The following SLC75A1 variants were observed in gnomAD, a reference collection of about 807,000 sequenced individuals.
The protein encoded by SLC75A1 is solute carrier family 75 member 1, also known as major facilitator superfamily domain containing 10.
At chr4:2,931,654 C>G in the SLC75A1 span, 1 of 1,612,900 alleles carries the variant, frequency 6.2e-7, no homozygotes, top group Non-Finnish European at 8.5e-7. Context: ...ACATCTTCCC[C>G]TGCTGTAGGC....
the SLC75A1 span, chr4:2,931,549 C>T: frequency 1.2e-6 from 2 of 1,610,540 alleles, no homozygotes; most frequent in African/African-American, 2.7e-5. Flanking sequence ...GGAGGGAGCC[C>T]CCTACCCGCT....
chr4:2,931,695 G>GGGGCAGGGCCACCCA, the SLC75A1 span: 8 of 1,592,812 alleles, frequency 5.0e-6, no homozygotes, highest in African/African-American at 4.0e-5. Flanking sequence ...CAGGGCACCC[G>GGGGCAGGGCCACCCA]GGGCAGGGCC....
chr4:2,933,432 G>A, the SLC75A1 span: 2 of 1,023,106 alleles, frequency 2.0e-6, no homozygotes, highest in Non-Finnish European at 1.5e-6. Context: ...CAGGACATGT[G>A]GGCAAGGGCA....
At chr4:2,932,919 G>T in the SLC75A1 span, 1 of 1,091,014 alleles carries the variant, frequency 9.2e-7, no homozygotes, top group Non-Finnish European at 1.3e-6. Flanking sequence ...GCCAGGAGCA[G>T]CTCCTTGAAA....
chr4:2,933,138 AGCAGTCAGAGGTG>A, the SLC75A1 span: 5 of 1,613,546 alleles, frequency 3.1e-6, no homozygotes, highest in East Asian at 1.1e-4. Flanking sequence ...CGCCTCCCCA[AGCAGTCAGAGGTG>A]GCCCCAGTGA....
chr4:2,932,557 G>T, the SLC75A1 span: 6 of 1,612,634 alleles, frequency 3.7e-6, no homozygotes, highest in African/African-American at 6.7e-5. Flanking sequence ...CCCAGGCCCA[G>T]AAGTCACCAC....
the SLC75A1 span, chr4:2,931,393 GCC>G: frequency 6.4e-7 from 1 of 1,550,542 alleles, no homozygotes; most frequent in Non-Finnish European, 8.7e-7. Context: ...TAGAGCAGCA[GCC>G]CCAGGCCCAG....
chr4:2,933,205 G>A, the SLC75A1 span: 2 of 1,613,544 alleles, frequency 1.2e-6, no homozygotes, highest in Non-Finnish European at 8.5e-7. Flanking sequence ...CCGAGCCAAT[G>A]AGACCTGAGA....
chr4:2,932,266 G>A, the SLC75A1 span: 2 of 1,553,586 alleles, frequency 1.3e-6, no homozygotes, highest in Non-Finnish European at 1.7e-6. Context: ...CCTGGCATCT[G>A]GGGCTGGCAC....
the SLC75A1 span, chr4:2,934,088 T>G: frequency 1.4e-6 from 1 of 738,512 alleles, no homozygotes; most frequent in East Asian, 2.7e-5. Context: ...CGTTCTGGCC[T>G]GCGCGATGCC....
At chr4:2,933,909 C>T in the SLC75A1 span, 12 of 1,565,284 alleles carry the variant, frequency 7.7e-6, no homozygotes, top group Non-Finnish European at 9.5e-6. Flanking sequence ...AGCCTCCACC[C>T]CCTCCCCATC....
At chr4:2,932,761 G>A in the SLC75A1 span, 9 of 1,552,058 alleles carry the variant, frequency 5.8e-6, no homozygotes, top group Non-Finnish European at 7.8e-6. Flanking sequence ...ACACCCATCT[G>A]CCCAGGGGCA....
chr4:2,934,303 C>T, the SLC75A1 span: 1 of 262,220 alleles, frequency 3.8e-6, no homozygotes, highest in Non-Finnish European at 7.5e-6. Flanking sequence ...CGATCCCGAT[C>T]CCGATCCCAA....
At chr4:2,933,736 G>T in the SLC75A1 span, 127 of 1,603,740 alleles carry the variant, frequency 7.9e-5, 1 homozygote, top group Non-Finnish European at 7.7e-6. Flanking sequence ...ACTGTGGGCC[G>T]CAGGGCAAGG....
the SLC75A1 span, chr4:2,932,002 C>G: frequency 6.2e-7 from 1 of 1,605,544 alleles, no homozygotes; most frequent in Non-Finnish European, 8.5e-7. Context: ...CGGGGAAGCC[C>G]AGGGGAGAGC....
chr4:2,933,629 T>C, the SLC75A1 span: 1 of 1,613,480 alleles, frequency 6.2e-7, no homozygotes, highest in Non-Finnish European at 8.5e-7. Context: ...GGCAAACCAG[T>C]CCACCCCGCC....
the SLC75A1 span, chr4:2,933,482 A>G: frequency 2.8e-6 from 4 of 1,439,868 alleles, no homozygotes; most frequent in African/African-American, 2.8e-5. Flanking sequence ...GCAAGGACCG[A>G]GAATTGGGGA....
chr4:2,932,990 G>A, the SLC75A1 span: 10 of 1,114,952 alleles, frequency 9.0e-6, 1 homozygote, highest in Admixed American at 2.4e-4. Flanking sequence ...TGCGATGAGG[G>A]CCAACCAGTG....
At chr4:2,933,775 A>T in the SLC75A1 span, 1 of 1,597,082 alleles carries the variant, frequency 6.3e-7, no homozygotes, top group Non-Finnish European at 8.5e-7. Flanking sequence ...GTGGCTCTCC[A>T]ACAGCCCGGG....
Sources: gnomAD v4.1 joint callset for allele counts on GRCh38, gnomAD v4.1.1 for gene constraint, MANE v1.5 for transcripts, NCBI Gene and HGNC (gene_info 2026-07-23, HGNC 2026-07-21) for gene names.